Variants in CCSER1 observed in about 807,000 individuals in gnomAD.
The protein encoded by CCSER1 is coiled-coil serine rich protein 1, also known as serine-rich coiled-coil domain-containing protein 1.
In CCSER1, 41 loss-of-function variants were observed where a neutral mutation model predicts 82.0. The ratio of observed to expected loss-of-function variants is 0.50; its 90% CI spans 0.39 to 0.65. The LOEUF is 0.65. Ranked by LOEUF, CCSER1 falls within the 30% of genes least tolerant of loss-of-function variation. The pLI, the probability that CCSER1 is intolerant of heterozygous loss-of-function variation, is 0.00. For synonymous variants in CCSER1, 414 were observed against 383.9 expected (o/e 1.08, Z -0.92); for missense variants, 1,119 against 1,064.2 (o/e 1.05, Z -0.72).
intron 7 of CCSER1, among the ~76,000 whole-genome samples, chr4:90,765,236 C>G (rs1284930658): frequency 6.6e-6 from 1 of 152,078 alleles, no homozygotes; most frequent in Non-Finnish European, 1.5e-5. Flanking sequence ...TTTGGGAAAC[C>G]TGTTTTTCAC....
In CCSER1 at chr4:91,587,593, G is replaced by A. The variant is rs73836257; in HGVS notation, c.2218-10979G>A. Reference sequence around the variant, plus strand: ...TATCCATCCTTTTTATTCCGTAAACGTAACAGATATAATTTCTGCATATCC... The same window carrying A: ...TATCCATCCTTTTTATTCCGTAAACATAACAGATATAATTTCTGCATATCC... On this transcript the variant is annotated intron_variant, in intron 10 of 10. Coordinates refer to ENST00000509176, the MANE Select transcript of CCSER1 (RefSeq NM_001145065.2). 5.2e-4 allele frequency among the ~76,000 whole-genome samples: 79 copies of A among 151,610 alleles called. No individual in the cohort carries two copies. The East Asian group carries it at 8.3e-3, about 16-fold the overall frequency.
At chr4:91,221,843 G>T (rs1204832415) in intron 10 of CCSER1, among the ~76,000 whole-genome samples, 1 of 152,044 alleles carries the variant, frequency 6.6e-6, no homozygotes, top group African/African-American at 2.4e-5. Flanking sequence ...ATAAGGTTAT[G>T]CTCAGAAAAA....
chr4:90,958,000 C>T (rs1478431746), intron 9 of CCSER1, among the ~76,000 whole-genome samples: 1 of 151,984 alleles, frequency 6.6e-6, no homozygotes, highest in Non-Finnish European at 1.5e-5. Flanking sequence ...GAAGGAGTTA[C>T]TTGAGAGAGC....
At chr4:90,902,281 A>G (rs1039491392) in intron 8 of CCSER1, among the ~76,000 whole-genome samples, 1 of 151,760 alleles carries the variant, frequency 6.6e-6, no homozygotes, top group Non-Finnish European at 1.5e-5. Context: ...TGAATTATTC[A>G]TATGTCATTT....
At chr4:90,323,815 C>T (rs1737615798) in intron 3 of CCSER1, among the ~76,000 whole-genome samples, 1 of 152,136 alleles carries the variant, frequency 6.6e-6, no homozygotes, top group South Asian at 2.1e-4. Flanking sequence ...GCTATCCCTC[C>T]CCTCTCTTCC....
At chr4:91,226,885 A>G (rs1251211219) in intron 10 of CCSER1, among the ~76,000 whole-genome samples, 2 of 151,836 alleles carry the variant, frequency 1.3e-5, no homozygotes, top group Admixed American at 6.6e-5. Flanking sequence ...GTTACTAGCC[A>G]TGTGAGTTTA....
chr4:90,410,411 C>G (rs1754534934), intron 4 of CCSER1, among the ~76,000 whole-genome samples: 1 of 152,164 alleles, frequency 6.6e-6, no homozygotes, highest in South Asian at 2.1e-4. Flanking sequence ...TGTAAAAGAA[C>G]AGAAAGTATA....
At chr4:91,214,078 C>T (rs1737048149) in intron 10 of CCSER1, among the ~76,000 whole-genome samples, 2 of 152,102 alleles carry the variant, frequency 1.3e-5, no homozygotes, top group African/African-American at 4.8e-5. Context: ...AAATTTCACT[C>T]CTGTGCCTTT....
At chr4:90,437,439 CAA>C (rs931830552) in intron 4 of CCSER1, among the ~76,000 whole-genome samples, 5 of 152,080 alleles carry the variant, frequency 3.3e-5, no homozygotes, top group Non-Finnish European at 2.9e-5. Context: ...GATAGGAATA[CAA>C]ATAGTGGAAG....
chr4:91,191,332 C>T (rs921151615), intron 10 of CCSER1, among the ~76,000 whole-genome samples: 21 of 152,244 alleles, frequency 1.4e-4, no homozygotes, highest in Non-Finnish European at 2.9e-5. Context: ...CTTCTCTGTT[C>T]TAAAGAAATT....
chr4:90,974,138 T>C (rs1200384554), intron 9 of CCSER1, among the ~76,000 whole-genome samples: 1 of 151,522 alleles, frequency 6.6e-6, no homozygotes, highest in Non-Finnish European at 1.5e-5. Context: ...AGAGATGTAA[T>C]TTGCAGCAAT....
chr4:90,447,265 A>G (rs1760784689), intron 4 of CCSER1, among the ~76,000 whole-genome samples: 1 of 152,182 alleles, frequency 6.6e-6, no homozygotes, highest in South Asian at 2.1e-4. Flanking sequence ...TAGTGACACC[A>G]GAGTGTAAAT....
intron 7 of CCSER1, among the ~76,000 whole-genome samples, chr4:90,746,303 A>T (rs1260428145): frequency 6.6e-6 from 1 of 152,192 alleles, no homozygotes; most frequent in Admixed American, 6.5e-5. Context: ...GTAAATTGTT[A>T]AATGAATTAA....
chr4:90,218,954 A>G (rs1741622817), intron 1 of CCSER1, among the ~76,000 whole-genome samples: 1 of 152,174 alleles, frequency 6.6e-6, no homozygotes, highest in African/African-American at 2.4e-5. Flanking sequence ...GAGATTTGAT[A>G]TTGATGATCA....
At chr4:91,381,676 G>T (rs1051633485) in intron 10 of CCSER1, among the ~76,000 whole-genome samples, 3 of 152,066 alleles carry the variant, frequency 2.0e-5, no homozygotes, top group Non-Finnish European at 4.4e-5. Flanking sequence ...TAGCTTCTTT[G>T]TGATGGGTTC....
intron 10 of CCSER1, among the ~76,000 whole-genome samples, chr4:91,205,912 A>T (rs1736305603): frequency 1.3e-5 from 2 of 151,902 alleles, no homozygotes. Context: ...AAGAAACAAG[A>T]TCAACAGGAG....
At chr4:91,547,154 G>A (rs190356582) in intron 10 of CCSER1, among the ~76,000 whole-genome samples, 14 of 151,980 alleles carry the variant, frequency 9.2e-5, no homozygotes, top group Non-Finnish European at 1.6e-4. Context: ...TTATGGCCCC[G>A]AATATGGCTT....
chr4:91,102,976 CT>C (rs1299330702), intron 10 of CCSER1, among the ~76,000 whole-genome samples: 5 of 151,918 alleles, frequency 3.3e-5, no homozygotes, highest in Non-Finnish European at 4.4e-5. Context: ...GATTTTTTTT[CT>C]GTTTTGGTTT....
chr4:90,411,570 A>T (rs1754809596), intron 4 of CCSER1, among the ~76,000 whole-genome samples: 1 of 152,228 alleles, frequency 6.6e-6, no homozygotes, highest in Non-Finnish European at 1.5e-5. Context: ...ACAAAATTCA[A>T]CAACACTTCG....
Sources: allele counts gnomAD v4.1 joint callset (sites outside exome capture counted in the v4.1 genomes callset), GRCh38; gene constraint gnomAD v4.1.1; transcripts MANE v1.5; gene names NCBI Gene and HGNC (gene_info 2026-07-23, HGNC 2026-07-21).